ZNF510: variants seen among roughly 807,000 people sequenced by gnomAD.
ZNF510 encodes zinc finger protein 510.
ZNF510 carries 15 observed loss-of-function variants against 18.1 expected under a neutral mutation model. That is an observed-to-expected ratio of 0.83 (90% CI 0.55 to 1.28). The LOEUF (loss-of-function observed/expected upper bound fraction) is 1.28, where lower values mean the gene tolerates loss of function less well. ZNF510 is among the 50% of genes most tolerant of loss of function. The pLI is 0.00. For synonymous variants in ZNF510, 261 were observed against 266.4 expected (o/e 0.98, Z 0.20); for missense variants, 724 against 791.8 (o/e 0.91, Z 1.03).
rs1393128241 is a variant in ZNF510, at chr9:96,757,020, T to G, written c.*1758A>C. On this transcript the variant is annotated 3_prime_UTR_variant, in exon 6 of 6. Coordinates refer to ENST00000223428, the MANE Select transcript of ZNF510 (RefSeq NM_014930.3). The stretch of plus-strand genomic sequence containing the variant: ...TGTAGTATACTCTACTGGCCCAAAG[T>G]ACCTCACCCATAAAGTTATTAAATT... 1.3e-5 allele frequency: 2 copies of G among 152,276 alleles called. No individual in the cohort carries two copies. Among genetic ancestry groups the G allele is most frequent in the Non-Finnish European group, 2.9e-5 (2 of 68,050 alleles). 9.4% of individuals were successfully genotyped at this position (152,276 alleles called of 1,614,324 possible). A position where few individuals can be genotyped will look rare whatever the true frequency, so the allele number is the denominator to read the frequency against.
chr9:96,765,096 G>C (rs1479839660), intron 3 of ZNF510, among the ~76,000 whole-genome samples: 2 of 151,236 alleles, frequency 1.3e-5, no homozygotes, highest in Non-Finnish European at 2.9e-5. Flanking sequence ...CTGGGTGACA[G>C]AGTGAGATTC....
intron 3 of ZNF510, among the ~76,000 whole-genome samples, chr9:96,767,705 A>G (rs576883370): frequency 2.8e-4 from 42 of 152,350 alleles, no homozygotes; most frequent in Non-Finnish European, 4.4e-4. Flanking sequence ...ACAGACTGAT[A>G]TAAGACTGAA....
chr9:96,765,832 G>C (rs1264895309), intron 3 of ZNF510, among the ~76,000 whole-genome samples: 1 of 151,842 alleles, frequency 6.6e-6, no homozygotes, highest in African/African-American at 2.4e-5. Flanking sequence ...TTTTTAAATG[G>C]CCTATATGTA....
At chr9:96,766,495 T>G (rs988174211) in intron 3 of ZNF510, among the ~76,000 whole-genome samples, 5 of 152,138 alleles carry the variant, frequency 3.3e-5, no homozygotes, top group African/African-American at 9.7e-5. Context: ...CAACAGAGAC[T>G]GTATCTCTCA....
At chr9:96,761,180 C>T (rs1448039034) in intron 5 of ZNF510, among the ~76,000 whole-genome samples, 1 of 152,168 alleles carries the variant, frequency 6.6e-6, no homozygotes, top group African/African-American at 2.4e-5. Context: ...TCCATTCTGG[C>T]TGTCATAGCA....
intron 5 of ZNF510, among the ~76,000 whole-genome samples, chr9:96,761,071 A>C (rs1363473857): frequency 1.3e-5 from 2 of 152,214 alleles, no homozygotes; most frequent in African/African-American, 4.8e-5. Flanking sequence ...AAAAGTTTAT[A>C]GCTCTAACCT....
rs1441238142 is a variant in ZNF510 at position 96,756,990 on chromosome 9, A to G, written c.*1788T>C. Reference sequence around the variant, plus strand: ...CCCTACTACACTTTCAGATGTAAACATAACTGTAGTATACTCTACTGGCCC... The same window carrying G: ...CCCTACTACACTTTCAGATGTAAACGTAACTGTAGTATACTCTACTGGCCC... On this transcript the variant is annotated 3_prime_UTR_variant, in exon 6 of 6. Transcript: ENST00000223428. 6.6e-6 allele frequency: 1 copy of G among 152,258 alleles called. No individual in the cohort carries two copies. Among genetic ancestry groups the G allele is most frequent in the Non-Finnish European group, 1.5e-5 (1 of 68,054 alleles). The allele number at this position is 152,258 out of a possible 1,614,324, so 9.4% of individuals were successfully genotyped here.
chr9:96,771,664 A>G (rs2118046417), intron 3 of ZNF510, among the ~76,000 whole-genome samples: 1 of 152,232 alleles, frequency 6.6e-6, no homozygotes, highest in South Asian at 2.1e-4. Flanking sequence ...ACTGTAAAGG[A>G]AGAAGTAAAA....
Position 96,776,041 on chromosome 9 carries a change from T to C in ZNF510, c.29A>G (p.Asp10Gly). Residue 10 changes from aspartate to glycine, a missense_variant, in exon 2 of 6, where the codon GAT becomes GGT. Coordinates refer to ENST00000223428, the MANE Select transcript of ZNF510 (RefSeq NM_014930.3). MSPHPEAIT[D>G]CVTLNTVGQL... is the part of the protein sequence containing the mutation. ...GCCCACAGTGTTCAGTGTCACACAA[T>C]CTGTGATGGCTTCTGGATGTGGCGA... 6.2e-7 allele frequency: 1 copy of C among 1,608,932 alleles called. No homozygotes were observed. The highest frequency in any genetic ancestry group is 8.5e-7 in the Non-Finnish European group (1 of 1,177,576).
intron 3 of ZNF510, 123 bp from the exon 4 acceptor site, chr9:96,763,755 A>G (rs1454275077): frequency 1.0e-6 from 1 of 962,790 alleles, no homozygotes; most frequent in African/African-American, 1.7e-5. Flanking sequence ...AAGGATGCCT[A>G]TTTTGAATCT....
At chr9:96,763,259 T>G in intron 4 of ZNF510, 46 bp from the exon 5 acceptor site, 1 of 1,587,094 alleles carries the variant, frequency 6.3e-7, no homozygotes, top group Non-Finnish European at 8.6e-7. Context: ...TATATGAGAT[T>G]TTAGTCTCCA....
intron 3 of ZNF510, among the ~76,000 whole-genome samples, chr9:96,764,337 A>G (rs1159256505): frequency 2.0e-5 from 3 of 152,192 alleles, no homozygotes; most frequent in Non-Finnish European, 2.9e-5. Flanking sequence ...TGTGTGGTAA[A>G]GACAGTGTCT....
At chr9:96,777,532 G>A (rs1213166826) in intron 1 of ZNF510, 2 of 152,152 alleles carry the variant, frequency 1.3e-5, no homozygotes, top group Admixed American at 6.5e-5. Flanking sequence ...ACATTTACAT[G>A]CTGCTTAGTA....
chr9:96,777,244 A>G (rs3780549), intron 1 of ZNF510, among the ~76,000 whole-genome samples: 27,438 of 152,056 alleles, frequency 0.18, 6,106 homozygotes, highest in African/African-American at 0.52. Context: ...TTCTGTCCAC[A>G]CTGACTTCAC....
At position 96,774,801 on chromosome 9, in the gene ZNF510, AT is replaced by A; in HGVS notation, c.115del (p.Met39Ter). On this transcript the variant is annotated frameshift_variant, in exon 3 of 6. Coordinates refer to ENST00000223428, the MANE Select transcript of ZNF510 (RefSeq NM_014930.3). LOFTEE classifies it high-confidence loss of function. ...FSTLFQEQQK[M>X]NISQASVSFK... ...TAATTAACTCACCTGAGATATGTTC[AT>A]TTTCTGCTGCTCCTGAAAGAGTGTG... is the stretch of plus-strand genomic sequence containing the variant. 1.2e-6 allele frequency: 2 copies of A among 1,613,778 alleles called. No homozygotes were observed. The highest frequency in any genetic ancestry group is 1.7e-6 in the Non-Finnish European group (2 of 1,179,956).
At position 96,764,683 on chromosome 9, in the gene ZNF510, A is replaced by ATT. The variant is rs201259405; in HGVS notation, c.130-1053_130-1052dup. Among the ~76,000 whole-genome samples the ATT allele has an allele frequency of 3.0e-4, 45 of 152,332 alleles. No individual in the cohort carries two copies. The East Asian group carries it at 7.3e-3, about 25-fold the overall frequency. The stretch of plus-strand genomic sequence containing the variant: ...AGTATAATACAACAACAAAGGAAAC[A>ATT]TTATATATATAGGGATTATGGAGAT... On this transcript the variant is annotated intron_variant, in intron 3 of 5. Coordinates refer to ENST00000223428, the MANE Select transcript of ZNF510 (RefSeq NM_014930.3).
intron 3 of ZNF510, among the ~76,000 whole-genome samples, chr9:96,773,979 A>C (rs1382207735): frequency 6.6e-6 from 1 of 152,208 alleles, no homozygotes; most frequent in Non-Finnish European, 1.5e-5. Flanking sequence ...TGTTTAATCT[A>C]CCCAGTCTGT....
rs760328556 is a variant in ZNF510, at chr9:96,759,917, C to T, written c.913G>A (p.Gly305Arg). The change falls in exon 6 of 6, where the codon GGG becomes AGG. Residue 305 changes from glycine (G) to arginine (R), a missense_variant. Coordinates refer to ENST00000223428, the MANE Select transcript of ZNF510 (RefSeq NM_014930.3). Reference protein sequence around the residue: ...TLFDHRRTGTGKKHLHLNQCG... With the variant: ...TLFDHRRTGTRKKHLHLNQCG... The stretch of plus-strand genomic sequence containing the variant: ...TGATTAAGATGCAGGTGTTTCTTCC[C>T]TGTGCCAGTTCTCCTGTGGTCAAAG... The T allele has an allele frequency of 6.2e-7, 1 of 1,613,358 alleles. No homozygotes were observed. The highest frequency in any genetic ancestry group is 8.5e-7 in the Non-Finnish European group (1 of 1,179,976).
At position 96,768,616 on chromosome 9, in the gene ZNF510, A is replaced by G. The variant is rs556871521; in HGVS notation, c.130-4984T>C. Among the ~76,000 whole-genome samples, 167 of 152,282 alleles carry G rather than the reference A, an allele frequency of 1.1e-3. 1 individual carries two copies. The highest frequency in any genetic ancestry group is 1.3e-3 in the Non-Finnish European group (89 of 68,020). On this transcript the variant is annotated intron_variant, in intron 3 of 5. Transcript: ENST00000223428. ...CTTACAATAGAACAAAAAATAATAAAATAGGAATAAATTTAACCAAGAAGG... is the reference window on the plus strand; with the variant it reads ...CTTACAATAGAACAAAAAATAATAAGATAGGAATAAATTTAACCAAGAAGG...
Sources: allele counts gnomAD v4.1 joint callset (sites outside exome capture counted in the v4.1 genomes callset), GRCh38; gene constraint gnomAD v4.1.1; transcripts MANE v1.5; gene names NCBI Gene and HGNC (gene_info 2026-07-23, HGNC 2026-07-21).